Variants in GAL3ST2 observed in about 807,000 individuals in gnomAD.
GAL3ST2 encodes beta-galactose-3-O-sulfotransferase 2.
A neutral mutation model predicts 12.9 loss-of-function variants in GAL3ST2; 16 were observed. The observed-to-expected ratio is 1.24, with a 90% CI of 0.84 to 1.88. The LOEUF (loss-of-function observed/expected upper bound fraction) is 1.88, where lower values mean the gene tolerates loss of function less well. Among genes scored for constraint, GAL3ST2 ranks in the 40% most tolerant of loss-of-function variants. The pLI is 0.00. For synonymous variants in GAL3ST2, 302 were observed against 273.9 expected (o/e 1.10, Z -1.01); for missense variants, 639 against 571.8 (o/e 1.12, Z -1.20).
intron 1 of GAL3ST2, among the ~76,000 whole-genome samples, chr2:241,787,023 C>CA (rs1553615837): frequency 2.0e-5 from 3 of 152,114 alleles, no homozygotes; most frequent in African/African-American, 7.2e-5. Context: ...ATCAGAAACT[C>CA]AGAGAGGGTA....
Position 241,804,237 on chromosome 2 carries a change from G to A in GAL3ST2, c.*71G>A, listed in dbSNP as rs1699906190. The A allele has an allele frequency of 3.9e-6, 5 of 1,292,464 alleles. No individual in the cohort carries two copies. Among genetic ancestry groups the A allele is most frequent in the Non-Finnish European group, 4.0e-6 (4 of 988,732 alleles). The allele number at this position is 1,292,464 out of a possible 1,614,324, so 80.1% of individuals were successfully genotyped here. On this transcript the variant is annotated 3_prime_UTR_variant, in exon 4 of 4. Transcript: ENST00000192314. ...TCTCCGCCGTCACCGGGGAGGCCGG[G>A]GATCCTTGCAGGGCTTCTGGGGCGT...
Position 241,800,467 on chromosome 2 carries a change from G to C in GAL3ST2, c.119+1313G>C, listed in dbSNP as rs577253058. On this transcript the variant is annotated intron_variant, in intron 2 of 3. Transcript: ENST00000192314. This position sits in a 1 kb window ranked among gnomAD's most constrained non-coding sequence, Gnocchi z 5.2. ...ATTCATGAAGGGGGTCCTGACGCACGTGTCCTGAACAAACAGGTGTGTTAC... is the reference window on the plus strand; with the variant it reads ...ATTCATGAAGGGGGTCCTGACGCACCTGTCCTGAACAAACAGGTGTGTTAC... Among the ~76,000 whole-genome samples the C allele has an allele frequency of 1.9e-4, 29 of 152,306 alleles. No homozygotes were observed. In the South Asian group the frequency reaches 5.6e-3, roughly 29 times the overall value.
At chr2:241,780,025 CT>C (rs1184904466) in intron 1 of GAL3ST2, among the ~76,000 whole-genome samples, 5 of 151,030 alleles carry the variant, frequency 3.3e-5, no homozygotes, top group Non-Finnish European at 7.4e-5. Flanking sequence ...AAATAGATTG[CT>C]GTTATTTTCT....
chr2:241,786,139 T>TGTGTGTG (rs1553615798), intron 1 of GAL3ST2, among the ~76,000 whole-genome samples: 5 of 145,954 alleles, frequency 3.4e-5, no homozygotes, highest in South Asian at 4.4e-4. Flanking sequence ...CACACACCTT[T>TGTGTGTG]TGTGTGTGTG....
intron 1 of GAL3ST2, among the ~76,000 whole-genome samples, chr2:241,790,281 T>C (rs900028657): frequency 6.6e-6 from 1 of 152,188 alleles, no homozygotes; most frequent in African/African-American, 2.4e-5. Context: ...GAAATGTTCA[T>C]GAATATCAAG....
At chr2:241,777,009 A>G (rs1699496826) in intron 1 of GAL3ST2, 25 bp downstream of exon 1, 4 of 1,487,756 alleles carry the variant, frequency 2.7e-6, no homozygotes, top group Non-Finnish European at 2.7e-6. Context: ...TGGACCCCCC[A>G]GGTGGACAAA....
At chr2:241,781,281 T>C (rs1344349385) in intron 1 of GAL3ST2, among the ~76,000 whole-genome samples, 1 of 152,242 alleles carries the variant, frequency 6.6e-6, no homozygotes, top group Non-Finnish European at 1.5e-5. Flanking sequence ...TTTAGTCTTC[T>C]GTCAGTTCAG....
rs1031816630 is a variant in GAL3ST2 at position 241,801,667 on chromosome 2, G to C, written c.120-114G>C. 7.9e-6 allele frequency: 11 copies of C among 1,395,674 alleles called. No individual in the cohort carries two copies. Among genetic ancestry groups the C allele is most frequent in the Non-Finnish European group, 1.1e-5 (11 of 1,041,064 alleles). 86.5% of individuals were successfully genotyped at this position (1,395,674 alleles called of 1,614,324 possible). On this transcript the variant is annotated intron_variant, in intron 2 of 3. Coordinates refer to ENST00000192314, the MANE Select transcript of GAL3ST2 (RefSeq NM_022134.3). This position sits in a 1 kb window ranked among gnomAD's most constrained non-coding sequence, Gnocchi z 4.4. Reference sequence around the variant, plus strand: ...CCAGTTGGCCCCCTGGCCTAGAGTTGGGGGGCTCAGGTTGGGAGGTCTCTC... The same window carrying C: ...CCAGTTGGCCCCCTGGCCTAGAGTTCGGGGGCTCAGGTTGGGAGGTCTCTC...
intron 1 of GAL3ST2, among the ~76,000 whole-genome samples, chr2:241,796,962 C>T (rs1699778947): frequency 6.6e-6 from 1 of 152,176 alleles, no homozygotes; most frequent in Admixed American, 6.5e-5. Context: ...TGAGGGCTGC[C>T]CCGTTTGCTG....
At chr2:241,784,101 G>T (rs10171845) in intron 1 of GAL3ST2, among the ~76,000 whole-genome samples, 113,877 of 150,738 alleles carry the variant, frequency 0.76, 44,033 homozygotes, top group African/African-American at 0.94. Context: ...TGGTGCAATC[G>T]CAGCTCACTG....
chr2:241,795,177 C>T lies in GAL3ST2; in HGVS notation c.30-3888C>T, dbSNP rs1457373151. Among the ~76,000 whole-genome samples, 3 of 152,120 alleles carry T rather than the reference C, an allele frequency of 2.0e-5. No homozygotes were observed. The East Asian group carries it at 5.8e-4, about 29-fold the overall frequency. On this transcript the variant is annotated intron_variant, in intron 1 of 3. Transcript: ENST00000192314. The surrounding 1 kb of genome is among the most constrained non-coding windows in gnomAD (Gnocchi z 4.5). ...GGGCACCTGTGGCTGGGCTCACCTC[C>T]TGGGTCCCCAGGTCACCCCCTTCCC... is the stretch of plus-strand genomic sequence containing the variant.
intron 1 of GAL3ST2, among the ~76,000 whole-genome samples, chr2:241,784,337 G>A (rs940522456): frequency 1.3e-5 from 2 of 152,160 alleles, no homozygotes; most frequent in Non-Finnish European, 2.9e-5. Context: ...CCGGCCTAAA[G>A]TCTTCTTTAT....
intron 1 of GAL3ST2, among the ~76,000 whole-genome samples, chr2:241,789,042 T>C (rs1699664197): frequency 2.0e-5 from 3 of 152,152 alleles, no homozygotes; most frequent in Admixed American, 6.5e-5. Flanking sequence ...CAGAGTAAAA[T>C]GGAAGTAAGA....
intron 1 of GAL3ST2, among the ~76,000 whole-genome samples, chr2:241,787,541 T>A (rs1285661602): frequency 3.4e-5 from 2 of 59,510 alleles, no homozygotes; most frequent in African/African-American, 1.9e-4. Context: ...CTTCTCCTCC[T>A]TTTTTTTTTT....
intron 1 of GAL3ST2, among the ~76,000 whole-genome samples, chr2:241,783,487 T>C (rs1042077492): frequency 2.6e-5 from 4 of 152,162 alleles, no homozygotes; most frequent in Non-Finnish European, 4.4e-5. Context: ...CTTTAAGCTT[T>C]GAATTAGACA....
In GAL3ST2 at chr2:241,803,894, C is replaced by A. The variant is rs778796699; in HGVS notation, c.925C>A (p.Arg309=). 7 of 1,415,570 alleles carry A rather than the reference C, an allele frequency of 4.9e-6. No individual in the cohort carries two copies. The highest frequency in any genetic ancestry group is 4.6e-5 in the African/African-American group (3 of 65,726). The allele number at this position is 1,415,570 out of a possible 1,614,324, so 87.7% of individuals were successfully genotyped here. Residue 309 remains arginine (R), a synonymous_variant, in exon 4 of 4, where the codon CGG becomes AGG. Coordinates refer to ENST00000192314, the MANE Select transcript of GAL3ST2 (RefSeq NM_022134.3). ...GPRRLRGEVE[R]LRARRRELAS... ...GCGGCGGCTGCGCGGGGAGGTGGAGCGGCTGCGCGCCCGGAGGCGCGAACT... is the reference window on the plus strand; with the variant it reads ...GCGGCGGCTGCGCGGGGAGGTGGAGAGGCTGCGCGCCCGGAGGCGCGAACT...
chr2:241,784,969 A>G (rs1165929688), intron 1 of GAL3ST2, among the ~76,000 whole-genome samples: 2 of 152,190 alleles, frequency 1.3e-5, no homozygotes, highest in African/African-American at 2.4e-5. Flanking sequence ...ATAAAAATCT[A>G]CCATTGGATT....
chr2:241,784,745 A>C (rs1699608589), intron 1 of GAL3ST2, among the ~76,000 whole-genome samples: 1 of 152,242 alleles, frequency 6.6e-6, no homozygotes, highest in Admixed American at 6.5e-5. Context: ...TTACTGATTT[A>C]TAAAGACTTT....
At chr2:241,783,259 A>G (rs1361872567) in intron 1 of GAL3ST2, among the ~76,000 whole-genome samples, 2 of 152,120 alleles carry the variant, frequency 1.3e-5, no homozygotes, top group East Asian at 3.8e-4. Flanking sequence ...TTTTTTAAAT[A>G]TAATTCCTCT....
Sources: gnomAD v4.1 joint callset for allele counts (sites outside exome capture counted in the v4.1 genomes callset) on GRCh38, gnomAD v4.1.1 for gene constraint, Gnocchi (gnomAD v3.1) non-coding constraint, MANE v1.5 for transcripts, NCBI Gene and HGNC (gene_info 2026-07-23, HGNC 2026-07-21) for gene names.